Variants in ENOX1 observed in about 807,000 individuals in gnomAD.
ENOX1 encodes the protein candidate growth-related and time keeping constitutive hydroquinone (NADH) oxidase.
A neutral mutation model predicts 82.5 loss-of-function variants in ENOX1; 42 were observed. That is an observed-to-expected ratio of 0.51 (90% CI 0.40 to 0.66). ENOX1 has a LOEUF of 0.66. ENOX1 is among the 30% of genes least tolerant of loss of function. ENOX1 has a pLI of 0.00. For missense variants in ENOX1, 608 were observed against 811.6 expected, an observed-to-expected ratio of 0.75 and a Z score of 3.05; for synonymous variants, 271 against 282.2, an observed-to-expected ratio of 0.96 and a Z score of 0.40.
At chr13:43,577,427 C>T (rs893549784) in intron 2 of ENOX1, among the ~76,000 whole-genome samples, 11 of 152,096 alleles carry the variant, frequency 7.2e-5, no homozygotes, top group African/African-American at 1.9e-4. Flanking sequence ...CCACCATGCC[C>T]GGCCTCAATA....
chr13:43,629,599 TG>T (rs1187250816), intron 2 of ENOX1, among the ~76,000 whole-genome samples: 1 of 152,242 alleles, frequency 6.6e-6, no homozygotes, highest in African/African-American at 2.4e-5. Flanking sequence ...AGTGGAATTC[TG>T]TATTTTTAAT....
At chr13:43,415,562 G>T (rs112575049) in intron 3 of ENOX1, among the ~76,000 whole-genome samples, 154 of 152,258 alleles carry the variant, frequency 1.0e-3, no homozygotes, top group African/African-American at 3.6e-3. Context: ...ACAGGGTTGG[G>T]GGTAAGGTTA....
intron 3 of ENOX1, among the ~76,000 whole-genome samples, chr13:43,475,870 C>G (rs1419214964): frequency 6.7e-6 from 1 of 149,382 alleles, no homozygotes; most frequent in Admixed American, 6.7e-5. Context: ...AGCCTAAACT[C>G]TAAGATATAC....
chr13:43,306,090 G>A lies in ENOX1; in HGVS notation c.1262-7560C>T, dbSNP rs562498636. On this transcript the variant is annotated intron_variant, in intron 11 of 16. Transcript: ENST00000690772. ...TGTGTAGTGGGAGTCAAATAAGGGA[G>A]AGAAGGCTTCTGGCTGGAACATAAG... Among the ~76,000 whole-genome samples, 208 of 152,336 alleles carry A rather than the reference G, an allele frequency of 1.4e-3. 1 individual carries two copies. Among genetic ancestry groups the A allele is most frequent in the Non-Finnish European group, 2.1e-3 (143 of 68,026 alleles).
rs143531314 is a variant in ENOX1 at position 43,627,381 on chromosome 13, A to G, written c.-219+40098T>C. On this transcript the variant is annotated intron_variant, in intron 2 of 16. Transcript: ENST00000690772. ...AGTAAGTTAATCATTTTAGAATTCC[A>G]TTTTGATTCACCTATAGTGTTTTAA... is the stretch of plus-strand genomic sequence containing the variant. 1.7e-3 allele frequency among the ~76,000 whole-genome samples: 253 copies of G among 151,980 alleles called. 1 individual carries two copies. The highest frequency in any genetic ancestry group is 4.8e-3 in the African/African-American group (201 of 41,508).
At chr13:43,475,307 A>G (rs1246351040) in intron 3 of ENOX1, among the ~76,000 whole-genome samples, 1 of 152,184 alleles carries the variant, frequency 6.6e-6, no homozygotes, top group Non-Finnish European at 1.5e-5. Context: ...CAGCCTAAGC[A>G]GTGTGGAGAT....
At chr13:43,321,519 G>C (rs9567148) in intron 11 of ENOX1, among the ~76,000 whole-genome samples, 2 of 151,988 alleles carry the variant, frequency 1.3e-5, no homozygotes, top group Non-Finnish European at 2.9e-5. Flanking sequence ...TCTTGATTTT[G>C]GTTTCTTAAT....
intron 2 of ENOX1, among the ~76,000 whole-genome samples, chr13:43,491,910 C>T (rs1356812357): frequency 6.6e-6 from 1 of 152,160 alleles, no homozygotes; most frequent in Non-Finnish European, 1.5e-5. Context: ...ATATCTGTTC[C>T]CACCATCCTC....
At chr13:43,332,344 C>G (rs1398175099) in intron 9 of ENOX1, among the ~76,000 whole-genome samples, 1 of 152,174 alleles carries the variant, frequency 6.6e-6, no homozygotes, top group African/African-American at 2.4e-5. Context: ...AGGGTTCACG[C>G]TCCTGTAAGA....
chr13:43,414,645 G>A (rs2054335280), intron 3 of ENOX1, among the ~76,000 whole-genome samples: 1 of 152,228 alleles, frequency 6.6e-6, no homozygotes, highest in African/African-American at 2.4e-5. Context: ...TAGCAAGGCA[G>A]AGTCAGGCTA....
chr13:43,223,644 T>G (rs1161779149), intron 16 of ENOX1, among the ~76,000 whole-genome samples: 1 of 152,122 alleles, frequency 6.6e-6, no homozygotes, highest in Non-Finnish European at 1.5e-5. Context: ...GATCTTTATA[T>G]TATTTGGGAT....
At chr13:43,678,568 A>G (rs904013671) in intron 1 of ENOX1, among the ~76,000 whole-genome samples, 14 of 152,194 alleles carry the variant, frequency 9.2e-5, no homozygotes, top group African/African-American at 2.4e-4. Flanking sequence ...ATCAGGCACA[A>G]TGGACCAGTC....
At chr13:43,286,137 C>T (rs528666030) in intron 12 of ENOX1, among the ~76,000 whole-genome samples, 55 of 152,218 alleles carry the variant, frequency 3.6e-4, no homozygotes, top group African/African-American at 1.3e-3. Flanking sequence ...GTGAATGAGT[C>T]GGCTTCTTGG....
chr13:43,326,388 G>A, intron 10 of ENOX1, 31 bp downstream of exon 10: 3 of 1,577,898 alleles, frequency 1.9e-6, no homozygotes, highest in Non-Finnish European at 1.7e-6. Context: ...CTGTGTGATG[G>A]TGGTTAAAAA....
intron 11 of ENOX1, among the ~76,000 whole-genome samples, chr13:43,319,562 G>C (rs1157038499): frequency 6.6e-6 from 1 of 151,904 alleles, no homozygotes; most frequent in African/African-American, 2.4e-5. Context: ...TCTCTTCCCT[G>C]CCCCCCAAAA....
intron 11 of ENOX1, among the ~76,000 whole-genome samples, chr13:43,300,140 C>A (rs1369827217): frequency 1.3e-5 from 2 of 152,118 alleles, no homozygotes; most frequent in African/African-American, 4.8e-5. Context: ...CTACCTCAAG[C>A]CAGTAGGGAT....
chr13:43,585,904 C>G (rs1296500681), intron 2 of ENOX1, among the ~76,000 whole-genome samples: 2 of 152,154 alleles, frequency 1.3e-5, no homozygotes, highest in East Asian at 3.8e-4. Flanking sequence ...TATTAACAAA[C>G]TAATAACAAT....
intron 7 of ENOX1, among the ~76,000 whole-genome samples, chr13:43,356,818 G>A (rs114132991): frequency 0.014 from 2,146 of 151,888 alleles, 41 homozygotes; most frequent in African/African-American, 0.045. Flanking sequence ...AAGAGGCCTC[G>A]CCGCTGCCTG....
chr13:43,711,282 G>C (rs2087690082), intron 1 of ENOX1, among the ~76,000 whole-genome samples: 2 of 152,000 alleles, frequency 1.3e-5, no homozygotes, highest in Non-Finnish European at 2.9e-5. Flanking sequence ...GTATTCCATG[G>C]TGTATATGTG....
Sources: allele counts gnomAD v4.1 joint callset (sites outside exome capture counted in the v4.1 genomes callset), GRCh38; gene constraint gnomAD v4.1.1; transcripts MANE v1.5; gene names NCBI Gene and HGNC (gene_info 2026-07-23, HGNC 2026-07-21).